The following TMEM117 variants were observed in gnomAD, a reference collection of about 807,000 sequenced individuals.
TMEM117 encodes transmembrane protein 117.
Under a neutral mutation model 52.4 loss-of-function variants are expected in TMEM117, and 27 were observed. That is an observed-to-expected ratio of 0.51 (90% CI 0.38 to 0.71). The LOEUF (loss-of-function observed/expected upper bound fraction) is 0.71, where lower values mean the gene tolerates loss of function less well. TMEM117 is among the 30% of genes least tolerant of loss of function. TMEM117 has a pLI of 0.00. For missense variants in TMEM117, 556 were observed against 630.5 expected, an observed-to-expected ratio of 0.88 and a Z score of 1.26; for synonymous variants, 215 against 206.3, an observed-to-expected ratio of 1.04 and a Z score of -0.36.
intron 4 of TMEM117, among the ~76,000 whole-genome samples, chr12:44,164,360 T>A (rs2138262838): frequency 6.6e-6 from 1 of 152,014 alleles, no homozygotes; most frequent in Admixed American, 6.6e-5. Context: ...ATCACCACCA[T>A]CCCACCCCTT....
chr12:44,312,692 G>T (rs1480343836), intron 6 of TMEM117, among the ~76,000 whole-genome samples: 1 of 152,148 alleles, frequency 6.6e-6, no homozygotes, highest in African/African-American at 2.4e-5. Flanking sequence ...TCTCCAAATT[G>T]CTTTCCAAAG....
intron 3 of TMEM117, among the ~76,000 whole-genome samples, chr12:43,999,080 C>T (rs975977864): frequency 6.6e-6 from 1 of 152,090 alleles, no homozygotes; most frequent in Non-Finnish European, 1.5e-5. Context: ...CACTGCTATT[C>T]GGAATGTAAA....
chr12:44,136,988 T>C (rs998936721), intron 3 of TMEM117, among the ~76,000 whole-genome samples: 1 of 152,026 alleles, frequency 6.6e-6, no homozygotes, highest in African/African-American at 2.4e-5. Context: ...ATACTCATCC[T>C]ACTTTGGCCC....
At chr12:44,349,947 G>A (rs1362177732) in intron 6 of TMEM117, among the ~76,000 whole-genome samples, 1 of 151,990 alleles carries the variant, frequency 6.6e-6, no homozygotes, top group Admixed American at 6.6e-5. Context: ...GCCAGGAAAG[G>A]CAAAGGTGGC....
At chr12:44,071,102 T>C (rs1947295151) in intron 3 of TMEM117, among the ~76,000 whole-genome samples, 1 of 152,210 alleles carries the variant, frequency 6.6e-6, no homozygotes, top group African/African-American at 2.4e-5. Context: ...AATTGCATAA[T>C]TATTTTATCA....
chr12:44,043,177 A>G (rs2137902793), intron 3 of TMEM117, among the ~76,000 whole-genome samples: 1 of 152,334 alleles, frequency 6.6e-6, no homozygotes, highest in South Asian at 2.1e-4. Context: ...AAAGAAAATG[A>G]TGAACTCAGG....
At chr12:43,939,717 G>A (rs922048863) in intron 2 of TMEM117, among the ~76,000 whole-genome samples, 1 of 152,140 alleles carries the variant, frequency 6.6e-6, no homozygotes, top group African/African-American at 2.4e-5. Context: ...CATTCCCCTG[G>A]GACTAGCTTA....
At chr12:44,168,091 T>C (rs1320732469) in intron 4 of TMEM117, among the ~76,000 whole-genome samples, 1 of 151,930 alleles carries the variant, frequency 6.6e-6, no homozygotes, top group African/African-American at 2.4e-5. Flanking sequence ...CCGTCTCTAC[T>C]AAAAATACAA....
intron 3 of TMEM117, among the ~76,000 whole-genome samples, chr12:44,002,397 AC>A (rs11354455): frequency 0.71 from 108,565 of 151,950 alleles, 43,877 homozygotes; most frequent in Non-Finnish European, 0.88. Context: ...TTGCTACCAA[AC>A]TCAGAGTCCC....
At chr12:44,322,440 A>T (rs1448496950) in intron 6 of TMEM117, among the ~76,000 whole-genome samples, 1 of 152,140 alleles carries the variant, frequency 6.6e-6, no homozygotes, top group African/African-American at 2.4e-5. Flanking sequence ...TTCGCTACTA[A>T]AAGGTTTCCT....
intron 5 of TMEM117, among the ~76,000 whole-genome samples, chr12:44,273,870 A>G (rs1565660705): frequency 6.6e-6 from 1 of 152,138 alleles, no homozygotes; most frequent in Non-Finnish European, 1.5e-5. Context: ...TATCATACTG[A>G]ATGGGAAAAA....
Position 44,389,049 on chromosome 12 carries a change from ACATGGGCG to A in TMEM117, c.*378_*385del. 2 of 180,984 alleles carry A rather than the reference ACATGGGCG, an allele frequency of 1.1e-5. No homozygotes were observed. The highest frequency in any genetic ancestry group is 1.2e-4 in the South Asian group (1 of 8,194). 11.2% of individuals were successfully genotyped at this position (180,984 alleles called of 1,614,324 possible). On this transcript the variant is annotated 3_prime_UTR_variant, in exon 8 of 8. Transcript: ENST00000266534. ...GTGGAACAGTTACCTAACCTATTTC[ACATGGGCG>A]TTTTGTATACAACTATTTTGATCTA... is the stretch of plus-strand genomic sequence containing the variant.
chr12:44,050,830 T>C (rs781267124), intron 3 of TMEM117, among the ~76,000 whole-genome samples: 1 of 152,196 alleles, frequency 6.6e-6, no homozygotes, highest in Non-Finnish European at 1.5e-5. Context: ...GGAATTTACA[T>C]CAGTAAAGAC....
intron 6 of TMEM117, among the ~76,000 whole-genome samples, chr12:44,330,141 T>A (rs1218385870): frequency 6.6e-6 from 1 of 152,060 alleles, no homozygotes; most frequent in African/African-American, 2.4e-5. Flanking sequence ...TTTCTCCACA[T>A]CCTCTCCAAC....
chr12:43,980,767 G>A (rs1488234876), intron 3 of TMEM117, among the ~76,000 whole-genome samples: 1 of 152,194 alleles, frequency 6.6e-6, no homozygotes, highest in Non-Finnish European at 1.5e-5. Context: ...GGTATCCAGT[G>A]AAAGAGCAGG....
intron 3 of TMEM117, chr12:44,009,486 A>G: frequency 4.4e-6 from 1 of 226,466 alleles, no homozygotes; most frequent in South Asian, 8.1e-5. Flanking sequence ...GCCATCTTCC[A>G]GTCTTTGGTG....
the TMEM117 span, among the ~76,000 whole-genome samples, chr12:43,802,044 A>T: frequency 5.9e-5 from 9 of 152,060 alleles, no homozygotes; most frequent in Non-Finnish European, 1.3e-4. Context: ...AAGAAAGAAA[A>T]AATTGCCATT....
chr12:44,160,302 C>T (rs778415777), intron 4 of TMEM117, among the ~76,000 whole-genome samples: 8 of 151,970 alleles, frequency 5.3e-5, no homozygotes, highest in Non-Finnish European at 1.0e-4. Flanking sequence ...TACACACACA[C>T]ATATAACTCA....
chr12:44,147,661 C>T (rs192467069), intron 4 of TMEM117, among the ~76,000 whole-genome samples: 84 of 152,088 alleles, frequency 5.5e-4, no homozygotes, highest in Non-Finnish European at 2.8e-4. Flanking sequence ...CTGGGCCGGG[C>T]GCGGTGGCTC....
Sources: gnomAD v4.1 joint callset for allele counts (sites outside exome capture counted in the v4.1 genomes callset) on GRCh38, gnomAD v4.1.1 for gene constraint, MANE v1.5 for transcripts, NCBI Gene and HGNC (gene_info 2026-07-23, HGNC 2026-07-21) for gene names.